Variants in NFATC1 observed in about 807,000 individuals in gnomAD.
NFATC1 encodes nuclear factor of activated T cells 1.
A neutral mutation model predicts 76.0 loss-of-function variants in NFATC1; 22 were observed. That is an observed-to-expected ratio of 0.29 (90% CI 0.21 to 0.41). The LOEUF is 0.41. Among genes scored for constraint, NFATC1 ranks in the 10% least tolerant of loss-of-function variants. The probability of loss-of-function intolerance (pLI) is 1.00; values close to 1 mark genes in which losing one functional copy is unlikely to be tolerated. For missense variants in NFATC1, 1,357 were observed against 1,337.7 expected (o/e 1.01, Z -0.23); for synonymous variants, 704 against 613.1 (o/e 1.15, Z -2.19).
intron 1 of NFATC1, among the ~76,000 whole-genome samples, chr18:79,407,247 C>CG (rs2085474414): frequency 6.6e-6 from 1 of 152,130 alleles, no homozygotes; most frequent in African/African-American, 2.4e-5. Flanking sequence ...AGCCTGGGGG[C>CG]GGGGGGCACA....
chr18:79,401,512 G>A (rs902428850), intron 1 of NFATC1, among the ~76,000 whole-genome samples: 24 of 152,366 alleles, frequency 1.6e-4, no homozygotes, highest in Middle Eastern at 3.4e-3. Flanking sequence ...GCAGATGAGG[G>A]TGGGAGAGAG....
At chr18:79,509,446 T>C (rs964965697) in intron 9 of NFATC1, among the ~76,000 whole-genome samples, 3 of 152,278 alleles carry the variant, frequency 2.0e-5, no homozygotes, top group African/African-American at 7.2e-5. Flanking sequence ...GGGTTGGCCA[T>C]GCAGAGGGCG....
In NFATC1 at chr18:79,486,578, C is replaced by G; in HGVS notation, c.2423C>G (p.Ala808Gly). Residue 808 changes from alanine (A) to glycine (G), a missense_variant, in exon 9 of 10, where the codon GCC becomes GGC. Physicochemically the swap from Ala to Gly is moderately conservative, Grantham distance 60 (BLOSUM62 0). Transcript: ENST00000427363. ...GTCCAGGACGTGCCCAGGCCAGTGG[C>G]CACGCACCCCGGCTCGCCCGGGCAG... is the stretch of plus-strand genomic sequence containing the variant. ...PAVQDVPRPV[A>G]THPGSPGQPP... The G allele has an allele frequency of 6.3e-7, 1 of 1,590,870 alleles. No individual in the cohort carries two copies. The highest frequency in any genetic ancestry group is 1.1e-5 in the South Asian group (1 of 89,998).
chr18:79,400,400 G>A, intron 1 of NFATC1: 1 of 1,490,992 alleles, frequency 6.7e-7, no homozygotes, highest in African/African-American at 1.5e-5. Context: ...CCATGACGGG[G>A]CTGGAGGACC....
chr18:79,495,237 G>T (rs1569031002), intron 9 of NFATC1, among the ~76,000 whole-genome samples: 1 of 152,272 alleles, frequency 6.6e-6, no homozygotes, highest in African/African-American at 2.4e-5. Context: ...GGGCACGGGA[G>T]AAAGGAGAGG....
chr18:79,420,799 C>T (rs1407780283), intron 2 of NFATC1: 2 of 151,946 alleles, frequency 1.3e-5, no homozygotes, highest in Non-Finnish European at 2.9e-5. Flanking sequence ...GAGGGGAACG[C>T]GTTTCCAGGT....
intron 4 of NFATC1, among the ~76,000 whole-genome samples, chr18:79,450,107 C>A (rs1472021085): frequency 6.6e-6 from 1 of 152,160 alleles, no homozygotes; most frequent in Non-Finnish European, 1.5e-5. Flanking sequence ...TGATGTGGGG[C>A]AGAAAGGGTG....
At chr18:79,419,578 T>TAG (rs2086001184) in intron 2 of NFATC1, among the ~76,000 whole-genome samples, 1 of 152,054 alleles carries the variant, frequency 6.6e-6, no homozygotes, top group African/African-American at 2.4e-5. Flanking sequence ...AGAACCTGCC[T>TAG]GGTTAGCTCA....
At chr18:79,526,157 G>A (rs777194972) in intron 9 of NFATC1, among the ~76,000 whole-genome samples, 8 of 152,220 alleles carry the variant, frequency 5.3e-5, no homozygotes, top group Non-Finnish European at 8.8e-5. Flanking sequence ...AGGAGCTGCC[G>A]TGCGCACTCT....
At position 79,415,154 on chromosome 18, in the gene NFATC1, A is replaced by C. The variant is rs560797548; in HGVS notation, c.1226+3653A>C. 5.3e-5 allele frequency among the ~76,000 whole-genome samples: 8 copies of C among 152,270 alleles called. No homozygotes were observed. In the East Asian group the frequency reaches 1.5e-3, roughly 29 times the overall value. On this transcript the variant is annotated intron_variant, in intron 2 of 9. Transcript: ENST00000427363. ...AGTCTCCACGTGTCTCACTCTCCGC[A>C]CCCAGACAGTCTCTGGAGTTGCCTT... is the stretch of plus-strand genomic sequence containing the variant.
At chr18:79,472,152 G>A (rs367703621) in intron 8 of NFATC1, among the ~76,000 whole-genome samples, 5 of 152,080 alleles carry the variant, frequency 3.3e-5, no homozygotes, top group East Asian at 3.9e-4. Flanking sequence ...TGTGAGCCGT[G>A]GGGGGGCGGG....
At position 79,410,676 on chromosome 18, in the gene NFATC1, A is replaced by G; in HGVS notation, c.401A>G (p.Gln134Arg). The G allele has an allele frequency of 6.2e-7, 1 of 1,612,856 alleles. No individual in the cohort carries two copies. Among genetic ancestry groups the G allele is most frequent in the Non-Finnish European group, 8.5e-7 (1 of 1,179,930 alleles). The change falls in exon 2 of 10, where the codon CAG (glutamine) becomes CGG (arginine). Residue 134 changes from glutamine to arginine, a missense_variant. By Grantham distance (43) the Gln-to-Arg change is conservative. Transcript: ENST00000427363. The surrounding 1 kb of genome is among the most constrained non-coding windows in gnomAD (Gnocchi z 6.7). The stretch of plus-strand genomic sequence containing the variant: ...TTGGGCCTGTACCACAACAATAACC[A>G]GTTTTTCCACGATGTGGAGGTGGAA... ...SCLGLYHNNN[Q>R]FFHDVEVEDV... is the part of the protein sequence containing the mutation.
chr18:79,499,407 T>C (rs2089967397), intron 9 of NFATC1, among the ~76,000 whole-genome samples: 1 of 152,198 alleles, frequency 6.6e-6, no homozygotes, highest in Non-Finnish European at 1.5e-5. Flanking sequence ...CTAGAAAATA[T>C]GTGTGTAACA....
At chr18:79,461,773 G>A (rs1005765111) in intron 7 of NFATC1, among the ~76,000 whole-genome samples, 8 of 152,182 alleles carry the variant, frequency 5.3e-5, no homozygotes, top group African/African-American at 1.4e-4. Flanking sequence ...CTGAGTTCCC[G>A]GGGGGTGGTC....
chr18:79,450,809 G>T, intron 4 of NFATC1, 145 bp from the exon 5 acceptor site: 1 of 1,068,596 alleles, frequency 9.4e-7, no homozygotes, highest in Non-Finnish European at 1.4e-6. Context: ...TCAAGGTCTT[G>T]TTTTCCTTGG....
rs564549895 is a variant in NFATC1, at chr18:79,471,381, T to TG, written c.2092+3805dup. On this transcript the variant is annotated intron_variant, in intron 8 of 9. Coordinates refer to ENST00000427363, the MANE Select transcript of NFATC1 (RefSeq NM_001278669.2). ...CAGGCAGGGCCGGGAATCTGTCTCG[T>TG]GGGGGGCTGCGGGCACTTTGGAGAA... Among the ~76,000 whole-genome samples the TG allele has an allele frequency of 7.6e-4, 115 of 152,230 alleles. 1 individual carries two copies. The South Asian group carries it at 0.023, about 31-fold the overall frequency.
chr18:79,495,174 C>T (rs2089844183), intron 9 of NFATC1, among the ~76,000 whole-genome samples: 1 of 152,220 alleles, frequency 6.6e-6, no homozygotes. Flanking sequence ...TGCAGGTCTC[C>T]CGCCGTGGCG....
At chr18:79,521,103 GTGTGTGTGTGGGGGGCGTCTGCTGA>G in intron 9 of NFATC1, among the ~76,000 whole-genome samples, 1 of 104,016 alleles carries the variant, frequency 9.6e-6, no homozygotes, top group South Asian at 4.0e-4. Flanking sequence ...GTGTGTGTCT[GTGTGTGTGTGGGGGGCGTCTGCTGA>G]TGTGTGTGTC....
rs145862125 is a variant in NFATC1 at position 79,398,432 on chromosome 18, A to C, written c.127+2081A>C. 3.8e-3 allele frequency among the ~76,000 whole-genome samples: 582 copies of C among 152,358 alleles called. 7 individuals carry two copies. The highest frequency in any genetic ancestry group is 6.5e-3 in the Non-Finnish European group (444 of 68,032). On this transcript the variant is annotated intron_variant, in intron 1 of 9. Coordinates refer to ENST00000427363, the MANE Select transcript of NFATC1 (RefSeq NM_001278669.2). ...CCCAGCCTCTGGGAGGATGCGTCCA[A>C]GCTAAACATTTCCATGGAGACACCC...
Sources: gnomAD v4.1 joint callset for allele counts (sites outside exome capture counted in the v4.1 genomes callset) on GRCh38, gnomAD v4.1.1 for gene constraint, Gnocchi (gnomAD v3.1) non-coding constraint, MANE v1.5 for transcripts, NCBI Gene and HGNC (gene_info 2026-07-23, HGNC 2026-07-21) for gene names.